COL3A1: variants seen among roughly 807,000 people sequenced by gnomAD.
COL3A1 encodes the protein collagen alpha-1(III) chain.
COL3A1 carries 46 observed loss-of-function variants against 200.9 expected under a neutral mutation model. The ratio of observed to expected loss-of-function variants is 0.23; its 90% CI spans 0.18 to 0.29. The LOEUF (loss-of-function observed/expected upper bound fraction) is 0.29, where lower values mean the gene tolerates loss of function less well. COL3A1 is among the 10% of genes least tolerant of loss of function. COL3A1 has a pLI of 1.00. For missense variants in COL3A1, 1,367 were observed against 1,917.6 expected, an observed-to-expected ratio of 0.71 and a Z score of 5.36; for synonymous variants, 650 against 628.0, an observed-to-expected ratio of 1.03 and a Z score of -0.52.
rs1688267189 is a variant in COL3A1, at chr2:188,994,768, T to A, written c.1392T>A (p.Asp464Glu). 1 of 1,613,708 alleles carries A rather than the reference T, an allele frequency of 6.2e-7. No homozygotes were observed. The highest frequency in any genetic ancestry group is 1.3e-5 in the African/African-American group (1 of 74,808). Residue 464 changes from aspartate to glutamate, a missense_variant, in exon 20 of 51, where the codon GAT (aspartate) becomes GAA (glutamate). By Grantham distance (45) the Asp-to-Glu change is conservative. This residue lies in a region of COL3A1 where 462 missense variants were observed against 681.4 expected (regional missense o/e 0.68). Transcript: ENST00000304636. This position sits in a 1 kb window ranked among gnomAD's most constrained non-coding sequence, Gnocchi z 4.5. ...GTGTTCCAGGAGCTAAAGGCGAAGA[T>A]GGCAAGGATGGATCACCTGGAGAAC... Reference protein sequence around the residue: ...IPGVPGAKGEDGKDGSPGEPG... With the variant: ...IPGVPGAKGEEGKDGSPGEPG...
Position 188,991,732 on chromosome 2 carries a change from G to A in COL3A1, c.951+10G>A, listed in dbSNP as rs770434941. The stretch of plus-strand genomic sequence containing the variant: ...ACTTCCTGGGGCTGCAGTGAGTATA[G>A]CTGCTAACATCACACAATTACAACC... On this transcript the variant is annotated intron_variant, in intron 13 of 50. Coordinates refer to ENST00000304636, the MANE Select transcript of COL3A1 (RefSeq NM_000090.4). The A allele has an allele frequency of 6.2e-7, 1 of 1,613,410 alleles. No individual in the cohort carries two copies. The highest frequency in any genetic ancestry group is 1.1e-5 in the South Asian group (1 of 91,060).
chr2:189,011,639 G>A lies in COL3A1; in HGVS notation c.4266G>A (p.Gly1422=), dbSNP rs1553509998. Residue 1422 remains glycine, a synonymous_variant, in exon 51 of 51, where the codon GGG becomes GGA. Coordinates refer to ENST00000304636, the MANE Select transcript of COL3A1 (RefSeq NM_000090.4). ...VLEDGCTKHT[G]EWSKTVFEYR... ...GTCCTTTTTTACAGAAACACACTGGGGAATGGAGCAAAACAGTCTTTGAAT... is the reference window on the plus strand; with the variant it reads ...GTCCTTTTTTACAGAAACACACTGGAGAATGGAGCAAAACAGTCTTTGAAT... 1.2e-6 allele frequency: 2 copies of A among 1,613,920 alleles called. No homozygotes were observed. Among genetic ancestry groups the A allele is most frequent in the Non-Finnish European group, 1.7e-6 (2 of 1,179,880 alleles).
At chr2:188,992,372 T>C in intron 14 of COL3A1, 144 bp downstream of exon 14, 1 of 748,140 alleles carries the variant, frequency 1.3e-6, no homozygotes, top group Non-Finnish European at 2.2e-6. Flanking sequence ...GCATCTCTGT[T>C]GACCATTTTT....
chr2:189,009,456 G>A (rs1203682333), intron 48 of COL3A1, among the ~76,000 whole-genome samples: 2 of 151,236 alleles, frequency 1.3e-5, no homozygotes, highest in African/African-American at 4.9e-5. Flanking sequence ...TGTAGAAGTT[G>A]TAGTATAAAT....
Position 189,007,487 on chromosome 2 carries a change from T to C in COL3A1, c.3256-13T>C, listed in dbSNP as rs753338091. The stretch of plus-strand genomic sequence containing the variant: ...GTGTGTATATGACTTCAATTCAAAA[T>C]ATGTTTCTAAAGGGTCCTCAAGGCC... On this transcript the variant is annotated splice_polypyrimidine_tract_variant and intron_variant, in intron 44 of 50. Transcript: ENST00000304636. 2 of 1,604,528 alleles carry C rather than the reference T, an allele frequency of 1.2e-6. No homozygotes were observed. Among genetic ancestry groups the C allele is most frequent in the Admixed American group, 3.4e-5 (2 of 59,494 alleles).
In COL3A1 at chr2:188,994,584, G is replaced by T. The variant is rs149852181; in HGVS notation, c.1337G>T (p.Arg446Leu). 6.2e-7 allele frequency: 1 copy of T among 1,614,138 alleles called. No homozygotes were observed. The highest frequency in any genetic ancestry group is 2.2e-5 in the East Asian group (1 of 44,882). ...KNGAKGEPGP[R>L]GERGEAGIPG... ...GGTGCCAAAGGAGAGCCCGGACCACGTGGTGAACGCGTAAGTTTTACTGCA... is the reference window on the plus strand; with the variant it reads ...GGTGCCAAAGGAGAGCCCGGACCACTTGGTGAACGCGTAAGTTTTACTGCA... Residue 446 changes from arginine to leucine, a missense_variant, in exon 19 of 51, where the codon CGT (arginine) becomes CTT (leucine). Coordinates refer to ENST00000304636, the MANE Select transcript of COL3A1 (RefSeq NM_000090.4). The surrounding 1 kb of genome is among the most constrained non-coding windows in gnomAD (Gnocchi z 4.5).
At chr2:188,977,854 T>C (rs1687855919) in intron 1 of COL3A1, among the ~76,000 whole-genome samples, 1 of 152,076 alleles carries the variant, frequency 6.6e-6, no homozygotes, top group African/African-American at 2.4e-5. Flanking sequence ...TATTTTTCTG[T>C]TTAATATTCA....
At chr2:189,002,641 T>C (rs1461168642) in intron 35 of COL3A1, among the ~76,000 whole-genome samples, 1 of 152,212 alleles carries the variant, frequency 6.6e-6, no homozygotes, top group Admixed American at 6.5e-5. Flanking sequence ...ATGGTACTAA[T>C]TAAAATTTTC....
intron 13 of COL3A1, 37 bp from the exon 14 acceptor site, chr2:188,992,146 GA>G (rs766157298): frequency 6.2e-7 from 1 of 1,609,842 alleles, no homozygotes; most frequent in South Asian, 1.1e-5. Context: ...CAGCCATTCA[GA>G]ATTAAAAGGA....
chr2:189,011,832 G>T lies in COL3A1; in HGVS notation c.*58G>T. 1 of 1,593,992 alleles carries T rather than the reference G, an allele frequency of 6.3e-7. No homozygotes were observed. The highest frequency in any genetic ancestry group is 1.1e-5 in the South Asian group (1 of 90,564). ...ATTTAACTCCATATGTGTTCCTCTT[G>T]TTCTAATCTTGTCAACCAGTGCAAG... On this transcript the variant is annotated 3_prime_UTR_variant, in exon 51 of 51. Coordinates refer to ENST00000304636, the MANE Select transcript of COL3A1 (RefSeq NM_000090.4).
Position 188,994,276 on chromosome 2 carries a change from C to T in COL3A1, c.1237C>T (p.Arg413Trp). The T allele has an allele frequency of 1.9e-6, 3 of 1,613,904 alleles. No homozygotes were observed. The highest frequency in any genetic ancestry group is 1.7e-5 in the Admixed American group (1 of 60,012). ...IPGAPGLMGA[R>W]GPPGPAGANG... ...TGGAGCTCCTGGACTGATGGGAGCC[C>T]GGGGTCCTCCAGGACCAGCCGGTGC... Residue 413 changes from arginine (R) to tryptophan (W), a missense_variant, in exon 18 of 51, where the codon CGG becomes TGG. Arg to Trp is a moderately radical substitution (Grantham distance 101, BLOSUM62 -3). This residue lies in a region of COL3A1 where 462 missense variants were observed against 681.4 expected (regional missense o/e 0.68). Transcript: ENST00000304636. The surrounding 1 kb of genome is among the most constrained non-coding windows in gnomAD (Gnocchi z 4.5).
At chr2:188,987,007 A>T (rs938797441) in intron 4 of COL3A1, 52 bp from the exon 5 acceptor site, 1 of 1,513,138 alleles carries the variant, frequency 6.6e-7, no homozygotes. Flanking sequence ...TTTTTAAAAG[A>T]ATTATGAACT....
intron 1 of COL3A1, among the ~76,000 whole-genome samples, chr2:188,975,942 T>C (rs1194264529): frequency 6.6e-6 from 1 of 151,904 alleles, no homozygotes; most frequent in Non-Finnish European, 1.5e-5. Context: ...CCCTGCCTGT[T>C]ACTCCCTCCC....
At chr2:188,988,703 G>T in intron 7 of COL3A1, 60 bp downstream of exon 7, 1 of 1,201,422 alleles carries the variant, frequency 8.3e-7, no homozygotes, top group Non-Finnish European at 1.2e-6. Context: ...ACCTACCTTT[G>T]TTTTCTAAAA....
At chr2:188,988,191 A>G (rs1366703711) in intron 6 of COL3A1, 57 bp downstream of exon 6, 1 of 1,434,772 alleles carries the variant, frequency 7.0e-7, no homozygotes, top group Non-Finnish European at 9.8e-7. Flanking sequence ...TCAAATTAAT[A>G]TATATTCTGC....
rs142457159 is a variant in COL3A1 at position 189,005,398 on chromosome 2, C to T, written c.2980C>T (p.Pro994Ser). The T allele has an allele frequency of 6.2e-7, 1 of 1,614,016 alleles. No individual in the cohort carries two copies. The highest frequency in any genetic ancestry group is 8.5e-7 in the Non-Finnish European group (1 of 1,179,936). Residue 994 changes from proline to serine, a missense_variant, in exon 41 of 51, where the codon CCC becomes TCC. Physicochemically the swap from Pro to Ser is moderately conservative, Grantham distance 74. This residue lies in a region of COL3A1 where 846 missense variants were observed against 1,147.9 expected (regional missense o/e 0.74). Coordinates refer to ENST00000304636, the MANE Select transcript of COL3A1 (RefSeq NM_000090.4). Reference sequence around the variant, plus strand: ...TAACGGTCTCAGTGGAGAACGTGGTCCCCCTGGACCCCAGGGTCTTCCTGG... The same window carrying T: ...TAACGGTCTCAGTGGAGAACGTGGTTCCCCTGGACCCCAGGGTCTTCCTGG... ...GANGLSGERG[P>S]PGPQGLPGLA... is the part of the protein sequence containing the mutation.
rs1436673582 is a variant in COL3A1, at chr2:188,992,329, A to G, written c.996+101A>G. On this transcript the variant is annotated intron_variant, in intron 14 of 50. Transcript: ENST00000304636. ...TATGTATATACTCTTAGGTATATAT[A>G]TATGCATATGTATATCTCTAATATA... 9.1e-6 allele frequency: 9 copies of G among 988,660 alleles called. No homozygotes were observed. The East Asian group carries it at 2.4e-4, about 26-fold the overall frequency. 61.2% of individuals were successfully genotyped at this position (988,660 alleles called of 1,614,324 possible).
chr2:188,996,612 T>A (rs894846935), intron 24 of COL3A1, 116 bp downstream of exon 24: 5 of 848,688 alleles, frequency 5.9e-6, no homozygotes, highest in Non-Finnish European at 7.6e-6. Context: ...GAGGAGTATA[T>A]GAAAATCAAA....
chr2:188,994,076 C>G lies in COL3A1; in HGVS notation c.1188C>G (p.Gly396=), dbSNP rs745743884. 2 of 1,614,044 alleles carry G rather than the reference C, an allele frequency of 1.2e-6. No individual in the cohort carries two copies. The highest frequency in any genetic ancestry group is 1.7e-6 in the Non-Finnish European group (2 of 1,179,970). The change falls in exon 17 of 51, where the codon GGC becomes GGG. Residue 396 remains glycine, a synonymous_variant. Transcript: ENST00000304636. The surrounding 1 kb of genome is among the most constrained non-coding windows in gnomAD (Gnocchi z 4.5). ...PGINGSPGGK[G]EMGPAGIPGA... is the part of the protein sequence containing the mutation. ...TTAATGGTAGTCCTGGTGGTAAAGG[C>G]GAAATGGTAAGCTGTCCCCACTCCT...
Sources: allele counts gnomAD v4.1 joint callset (sites outside exome capture counted in the v4.1 genomes callset), GRCh38; gene constraint gnomAD v4.1.1; regional missense constraint gnomAD v4.1.1; non-coding constraint Gnocchi (gnomAD v3.1); transcripts MANE v1.5; gene names NCBI Gene and HGNC (gene_info 2026-07-23, HGNC 2026-07-21).